Variants in EXOC2 observed in about 807,000 individuals in gnomAD.
EXOC2 encodes the protein exocyst complex component 2, also known as SEC5-like 1.
A neutral mutation model predicts 131.8 loss-of-function variants in EXOC2; 70 were observed. The ratio of observed to expected loss-of-function variants is 0.53; its 90% CI spans 0.44 to 0.65. The LOEUF (loss-of-function observed/expected upper bound fraction) is 0.65. Ranked by LOEUF, EXOC2 falls within the 30% of genes least tolerant of loss-of-function variation. The pLI, the probability that EXOC2 is intolerant of heterozygous loss-of-function variation, is 0.00. For synonymous variants in EXOC2, 411 were observed against 398.4 expected (o/e 1.03, Z -0.38); for missense variants, 923 against 1,108.6 (o/e 0.83, Z 2.38).
At position 564,138 on chromosome 6, in the gene EXOC2, A is replaced by G. The variant is rs373874751; in HGVS notation, c.1684T>C (p.Leu562=). 1 of 1,614,010 alleles carries G rather than the reference A, an allele frequency of 6.2e-7. No homozygotes were observed. Among genetic ancestry groups the G allele is most frequent in the East Asian group, 2.2e-5 (1 of 44,880 alleles). Residue 562 remains leucine (L), a synonymous_variant, in exon 16 of 28, where the codon TTG becomes CTG. Transcript: ENST00000230449. ...IQTVRLTHES[L]TALEIPNDLL... is the part of the protein sequence containing the mutation. ...TCATTAGGAATTTCAAGGGCAGTCAACGATTCATGAGTAAGTCTGCGAACA... is the reference window on the plus strand; with the variant it reads ...TCATTAGGAATTTCAAGGGCAGTCAGCGATTCATGAGTAAGTCTGCGAACA...
intron 1 of EXOC2, among the ~76,000 whole-genome samples, chr6:667,860 C>CCCAT (rs200385451): frequency 0.04 from 4,544 of 114,002 alleles, 193 homozygotes; most frequent in East Asian, 0.11. Context: ...TAAATCCCCT[C>CCCAT]CCATCCATCC....
intron 11 of EXOC2, among the ~76,000 whole-genome samples, chr6:592,112 A>C (rs924929771): frequency 2.6e-5 from 4 of 152,064 alleles, no homozygotes; most frequent in African/African-American, 9.7e-5. Flanking sequence ...GGCAGCAGCT[A>C]TGTCTTACTA....
chr6:636,588 T>C (rs545968631), intron 2 of EXOC2, among the ~76,000 whole-genome samples: 3 of 152,182 alleles, frequency 2.0e-5, no homozygotes, highest in Non-Finnish European at 4.4e-5. Context: ...AACCAATCTA[T>C]CAACCAGCAG....
At chr6:514,567 G>T (rs1765030605) in intron 23 of EXOC2, among the ~76,000 whole-genome samples, 1 of 152,198 alleles carries the variant, frequency 6.6e-6, no homozygotes, top group South Asian at 2.1e-4. Flanking sequence ...ACTTTCCCAT[G>T]CTCTGAGCGC....
chr6:551,216 C>T lies in EXOC2; in HGVS notation c.2122-1925G>A, dbSNP rs914977962. On this transcript the variant is annotated intron_variant, in intron 21 of 27. Coordinates refer to ENST00000230449, the MANE Select transcript of EXOC2 (RefSeq NM_018303.6). The stretch of plus-strand genomic sequence containing the variant: ...ATTATTTCAGTGATCCCCCACGTTC[C>T]GTTCAGGAGAACCCGCTCAGTGATG... Among the ~76,000 whole-genome samples the T allele has an allele frequency of 4.6e-5, 7 of 152,298 alleles. No homozygotes were observed. The East Asian group carries it at 7.7e-4, about 17-fold the overall frequency.
chr6:607,796 A>C (rs1760498665), intron 7 of EXOC2, among the ~76,000 whole-genome samples: 1 of 152,238 alleles, frequency 6.6e-6, no homozygotes, highest in Admixed American at 6.5e-5. Context: ...ATCAAGAATA[A>C]GTTATTAAGT....
rs991407333 is a variant in EXOC2, at chr6:665,476, T to C, written c.-44+27543A>G. Among the ~76,000 whole-genome samples, 14 of 152,332 alleles carry C rather than the reference T, an allele frequency of 9.2e-5. No individual in the cohort carries two copies. In the East Asian group the frequency reaches 2.7e-3, roughly 29 times the overall value. Reference sequence around the variant, plus strand: ...ATAACTGAATATTCAAAAAAGATTCTTGCACATACGTTTATAGCAGCACAA... The same window carrying C: ...ATAACTGAATATTCAAAAAAGATTCCTGCACATACGTTTATAGCAGCACAA... On this transcript the variant is annotated intron_variant, in intron 1 of 27. Coordinates refer to ENST00000230449, the MANE Select transcript of EXOC2 (RefSeq NM_018303.6).
intron 6 of EXOC2, among the ~76,000 whole-genome samples, chr6:612,165 A>G (rs978241494): frequency 6.6e-6 from 1 of 152,230 alleles, no homozygotes; most frequent in African/African-American, 2.4e-5. Flanking sequence ...CGGATGACAG[A>G]TGAGCAAACT....
chr6:629,372 C>T (rs1761733704), intron 4 of EXOC2, among the ~76,000 whole-genome samples: 1 of 152,134 alleles, frequency 6.6e-6, no homozygotes, highest in African/African-American at 2.4e-5. Context: ...TATCATTTAC[C>T]TGGCAGAATT....
chr6:529,478 A>ATC (rs1479645370), intron 23 of EXOC2, among the ~76,000 whole-genome samples: 1 of 152,228 alleles, frequency 6.6e-6, no homozygotes, highest in African/African-American at 2.4e-5. Context: ...TTCAGTGACG[A>ATC]CAGAGAAGAA....
intron 7 of EXOC2, among the ~76,000 whole-genome samples, chr6:606,089 A>C (rs1379744857): frequency 6.6e-6 from 1 of 152,240 alleles, no homozygotes; most frequent in Non-Finnish European, 1.5e-5. Context: ...ATGCAGCCAT[A>C]AAAAAGGAAG....
chr6:630,845 C>T (rs1761808912), intron 3 of EXOC2, among the ~76,000 whole-genome samples: 1 of 152,164 alleles, frequency 6.6e-6, no homozygotes, highest in Admixed American at 6.5e-5. Context: ...AAACACCTTT[C>T]AAGGAACGCA....
intron 23 of EXOC2, among the ~76,000 whole-genome samples, chr6:510,935 G>A (rs747249177): frequency 5.9e-5 from 9 of 152,208 alleles, no homozygotes; most frequent in Admixed American, 1.3e-4. Context: ...ACTGTGAGGT[G>A]TTACTTCTGG....
At chr6:572,498 C>T (rs781299555) in intron 13 of EXOC2, 22 bp downstream of exon 13, 2 of 1,597,370 alleles carry the variant, frequency 1.3e-6, no homozygotes, top group Non-Finnish European at 8.5e-7. Context: ...AGCTCCACCT[C>T]TAGCCGAGTC....
At chr6:503,384 G>A (rs1399871160) in intron 23 of EXOC2, among the ~76,000 whole-genome samples, 1 of 152,140 alleles carries the variant, frequency 6.6e-6, no homozygotes, top group East Asian at 1.9e-4. Context: ...GTTATTACAA[G>A]TTTGACCTGC....
At chr6:563,905 A>T in intron 16 of EXOC2, 128 bp downstream of exon 16, 1 of 1,320,802 alleles carries the variant, frequency 7.6e-7, no homozygotes, top group Admixed American at 3.1e-5. Flanking sequence ...TAGAAATAAG[A>T]TGAACTAATA....
chr6:643,795 CA>C (rs1762463076), intron 1 of EXOC2, among the ~76,000 whole-genome samples: 1 of 151,528 alleles, frequency 6.6e-6, no homozygotes, highest in Admixed American at 6.6e-5. Flanking sequence ...ATTGATGTTT[CA>C]AAAAAACTCT....
intron 17 of EXOC2, among the ~76,000 whole-genome samples, chr6:561,418 T>C (rs943651040): frequency 2.0e-5 from 3 of 152,182 alleles, no homozygotes; most frequent in African/African-American, 7.2e-5. Flanking sequence ...TCGCTGAGGA[T>C]ACCAAGGCAC....
At chr6:541,621 T>C (rs1256041875) in intron 22 of EXOC2, among the ~76,000 whole-genome samples, 1 of 152,138 alleles carries the variant, frequency 6.6e-6, no homozygotes. Flanking sequence ...AAGGACCACA[T>C]CGCAGCTGAG....
Sources: allele counts gnomAD v4.1 joint callset (sites outside exome capture counted in the v4.1 genomes callset), GRCh38; gene constraint gnomAD v4.1.1; transcripts MANE v1.5; gene names NCBI Gene and HGNC (gene_info 2026-07-23, HGNC 2026-07-21).